TMEM164: variants seen among roughly 807,000 people sequenced by gnomAD.
TMEM164 encodes the protein RP13-360B22.2.
TMEM164 carries 4 observed loss-of-function variants against 18.8 expected under a neutral mutation model. That is an observed-to-expected ratio of 0.21 (90% CI 0.10 to 0.49). TMEM164 has a LOEUF of 0.49. Among genes scored for constraint, TMEM164 ranks in the 20% least tolerant of loss-of-function variants. The pLI, the probability that TMEM164 is intolerant of heterozygous loss-of-function variation, is 0.98. For missense variants in TMEM164, 108 were observed against 239.9 expected (o/e 0.45, Z 3.63); for synonymous variants, 86 against 101.7 (o/e 0.85, Z 0.93).
chrX:110,059,588 C>T (rs185329175), intron 2 of TMEM164, among the ~76,000 whole-genome samples: 73 of 111,914 alleles, frequency 6.5e-4, no homozygotes, highest in Admixed American at 6.4e-3. Flanking sequence ...GATCAGAATG[C>T]TATTTTAAGA....
At chrX:110,169,005 C>T (rs1023488747) in intron 5 of TMEM164, among the ~76,000 whole-genome samples, 3 of 112,240 alleles carry the variant, frequency 2.7e-5, no homozygotes, top group Non-Finnish European at 3.8e-5. Context: ...GTGAGTAGAA[C>T]CGAGTTCAAG....
chrX:110,015,676 C>G (rs1286335701), intron 2 of TMEM164, among the ~76,000 whole-genome samples: 1 of 110,804 alleles, frequency 9.0e-6, no homozygotes, highest in Non-Finnish European at 1.9e-5. Flanking sequence ...CACACTTGGT[C>G]CCTTGGGCTG....
chrX:110,154,096 A>G (rs953663614), intron 5 of TMEM164, among the ~76,000 whole-genome samples: 1 of 111,969 alleles, frequency 8.9e-6, no homozygotes, highest in Non-Finnish European at 1.9e-5. Context: ...TAAGGAATGT[A>G]GATAACAAAC....
At chrX:110,062,225 G>T (rs1936151870) in intron 2 of TMEM164, among the ~76,000 whole-genome samples, 1 of 112,044 alleles carries the variant, frequency 8.9e-6, no homozygotes, top group South Asian at 3.6e-4. Context: ...TTACAACTCA[G>T]TTGAAAAGAA....
intron 5 of TMEM164, among the ~76,000 whole-genome samples, chrX:110,169,319 C>T (rs949042918): frequency 8.1e-5 from 9 of 111,610 alleles, no homozygotes; most frequent in Non-Finnish European, 1.7e-4. Flanking sequence ...TTTCCAAGAT[C>T]CTTCCTCTCC....
intron 3 of TMEM164, among the ~76,000 whole-genome samples, chrX:110,069,563 A>G (rs181899453): frequency 0.015 from 1,375 of 92,967 alleles, 35 homozygotes; most frequent in African/African-American, 0.049. Flanking sequence ...AAATATGTTT[A>G]TATTGACTTT....
intron 2 of TMEM164, among the ~76,000 whole-genome samples, chrX:110,034,663 G>T (rs189467528): frequency 9.1e-6 from 1 of 110,044 alleles, no homozygotes; most frequent in East Asian, 2.8e-4. Context: ...TCAGTGTGGC[G>T]ATTCCTCAGG....
chrX:110,010,315 A>C (rs182172038), intron 2 of TMEM164, among the ~76,000 whole-genome samples: 1 of 112,710 alleles, frequency 8.9e-6, no homozygotes, highest in Non-Finnish European at 1.9e-5. Flanking sequence ...GTTATGCCTC[A>C]TTGAAATGAA....
At chrX:110,031,643 A>C (rs1283389377) in intron 2 of TMEM164, among the ~76,000 whole-genome samples, 5 of 110,652 alleles carry the variant, frequency 4.5e-5, no homozygotes, top group Admixed American at 9.7e-5. Context: ...TTTTTATAAT[A>C]ATTTTAAAAA....
chrX:110,155,691 A>G (rs1171126691), intron 5 of TMEM164, among the ~76,000 whole-genome samples: 1 of 110,772 alleles, frequency 9.0e-6, no homozygotes, highest in Non-Finnish European at 1.9e-5. Flanking sequence ...CCTCCTACCC[A>G]GGCTATCCTC....
At chrX:110,011,028 G>C (rs1320357701) in intron 2 of TMEM164, among the ~76,000 whole-genome samples, 1 of 111,951 alleles carries the variant, frequency 8.9e-6, no homozygotes, top group Non-Finnish European at 1.9e-5. Flanking sequence ...TTGCAGGACT[G>C]TTGTTTTAGA....
rs181334352 is a variant in TMEM164, at chrX:110,075,159, G to A, written c.440+7763G>A. Among the ~76,000 whole-genome samples the A allele has an allele frequency of 7.2e-5, 8 of 111,301 alleles. No individual in the cohort carries two copies. In the South Asian group the frequency reaches 3.0e-3, roughly 42 times the overall value. On this transcript the variant is annotated intron_variant, in intron 3 of 6. Transcript: ENST00000372068. ...TTAGCAGGGTTTTTTAGTTCTCCTC[G>A]TAAAGATCTTTCATCTCCTTGGCTG...
At chrX:110,033,682 T>C (rs1360160286) in intron 2 of TMEM164, among the ~76,000 whole-genome samples, 2 of 111,261 alleles carry the variant, frequency 1.8e-5, no homozygotes, top group Non-Finnish European at 3.8e-5. Context: ...AGGGTCTTCT[T>C]CATCGGGTTC....
chrX:110,063,854 T>A (rs1283228741), intron 2 of TMEM164, among the ~76,000 whole-genome samples: 1 of 111,232 alleles, frequency 9.0e-6, no homozygotes, highest in Non-Finnish European at 1.9e-5. Context: ...ATGAGCTGGC[T>A]GATGGCACAG....
At chrX:110,020,252 T>A (rs942730955) in intron 2 of TMEM164, 4 of 421,940 alleles carry the variant, frequency 9.5e-6, no homozygotes, top group Admixed American at 1.8e-4. Flanking sequence ...CCTAATTTTT[T>A]AAAAATTAAG....
chrX:110,055,466 C>T (rs749556449), intron 2 of TMEM164: 2 of 171,192 alleles, frequency 1.2e-5, no homozygotes, highest in Non-Finnish European at 2.4e-5. Context: ...AATGTCAGTA[C>T]TTTCTTCATC....
At chrX:110,080,924 C>T (rs1346327786) in intron 3 of TMEM164, among the ~76,000 whole-genome samples, 1 of 81,541 alleles carries the variant, frequency 1.2e-5, no homozygotes, top group African/African-American at 5.6e-5. Context: ...TTTGTAGAGA[C>T]GGAGTCTCAT....
chrX:110,164,556 T>C (rs766623916), intron 5 of TMEM164, among the ~76,000 whole-genome samples: 7 of 110,900 alleles, frequency 6.3e-5, no homozygotes, highest in Non-Finnish European at 1.3e-4. Context: ...TGAGATGTGG[T>C]AGAGAGCAGG....
At chrX:110,027,025 A>G (rs1019268432) in intron 2 of TMEM164, among the ~76,000 whole-genome samples, 3 of 110,979 alleles carry the variant, frequency 2.7e-5, no homozygotes, top group Middle Eastern at 4.6e-3. Context: ...ATTTTTTTTA[A>G]TATCTTTTTC....
Sources: gnomAD v4.1 joint callset for allele counts (sites outside exome capture counted in the v4.1 genomes callset) on GRCh38, gnomAD v4.1.1 for gene constraint, MANE v1.5 for transcripts, NCBI Gene and HGNC (gene_info 2026-07-23, HGNC 2026-07-21) for gene names.